Variants in PDE4B observed in about 807,000 individuals in gnomAD.
PDE4B encodes the protein 3',5'-cyclic-AMP phosphodiesterase 4B.
In PDE4B, 20 loss-of-function variants were observed where a neutral mutation model predicts 82.2. The observed-to-expected ratio is 0.24, with a 90% CI of 0.17 to 0.35. The LOEUF is 0.35. Among genes scored for constraint, PDE4B ranks in the 10% least tolerant of loss-of-function variants. The probability of loss-of-function intolerance (pLI) is 1.00; values close to 1 mark genes in which losing one functional copy is unlikely to be tolerated. For synonymous variants in PDE4B, 320 were observed against 318.9 expected, an observed-to-expected ratio of 1.00 and a Z score of -0.04; for missense variants, 655 against 907.2, an observed-to-expected ratio of 0.72 and a Z score of 3.57.
chr1:66,071,632 TGG>T, intron 3 of PDE4B, among the ~76,000 whole-genome samples: 1 of 152,104 alleles, frequency 6.6e-6, no homozygotes, highest in Admixed American at 6.6e-5. Flanking sequence ...TTTCCCCTCC[TGG>T]CTGTCACCTC....
chr1:65,868,486 A>G lies in PDE4B; in HGVS notation c.-70-44759A>G, dbSNP rs548873728. On this transcript the variant is annotated intron_variant, in intron 1 of 16. Coordinates refer to ENST00000341517, the MANE Select transcript of PDE4B (RefSeq NM_002600.4). ...TGAGTTGAGTTGACGTTTTATTTCC[A>G]CTGTTCCTCCTTCTTCCATATAGCT... Among the ~76,000 whole-genome samples the G allele has an allele frequency of 7.2e-5, 11 of 152,286 alleles. No homozygotes were observed. The South Asian group carries it at 2.3e-3, about 32-fold the overall frequency.
At chr1:66,195,019 A>G (rs1648170059) in intron 3 of PDE4B, among the ~76,000 whole-genome samples, 1 of 152,144 alleles carries the variant, frequency 6.6e-6, no homozygotes, top group African/African-American at 2.4e-5. Context: ...AAATTAAACC[A>G]AACTTTGGTT....
chr1:65,981,973 C>T (rs548164301), intron 3 of PDE4B, among the ~76,000 whole-genome samples: 133 of 152,152 alleles, frequency 8.7e-4, no homozygotes, highest in African/African-American at 3.1e-3. Flanking sequence ...ATTAAGCCAC[C>T]CAGACTGTGG....
intron 3 of PDE4B, among the ~76,000 whole-genome samples, chr1:66,147,855 GC>G (rs1468713039): frequency 6.6e-6 from 1 of 152,130 alleles, no homozygotes; most frequent in Non-Finnish European, 1.5e-5. Flanking sequence ...ATCACTTGAG[GC>G]ACTAATTATT....
In PDE4B at chr1:66,363,436, C is replaced by A; in HGVS notation, c.1149C>A (p.Ile383=). The A allele has an allele frequency of 6.2e-7, 1 of 1,612,836 alleles. No homozygotes were observed. The highest frequency in any genetic ancestry group is 8.5e-7 in the Non-Finnish European group (1 of 1,179,058). Residue 383 remains isoleucine (I), a synonymous_variant, in exon 12 of 17, where the codon ATC becomes ATA. Transcript: ENST00000341517. ...QERDLLKTFR[I]SSDTFITYMM... is the part of the protein sequence containing the mutation. ...GAGACCTCCTAAAGACATTCAGAAT[C>A]TCATCTGACACATTTATAACCTACA...
At chr1:66,024,606 C>T (rs1052598011) in intron 3 of PDE4B, among the ~76,000 whole-genome samples, 1 of 152,070 alleles carries the variant, frequency 6.6e-6, no homozygotes, top group Non-Finnish European at 1.5e-5. Flanking sequence ...ATAATATATG[C>T]AAGGAATTTT....
chr1:65,849,962 A>G (rs1373287224), intron 1 of PDE4B, among the ~76,000 whole-genome samples: 3 of 152,154 alleles, frequency 2.0e-5, no homozygotes, highest in Non-Finnish European at 4.4e-5. Context: ...GAGCACAGTC[A>G]CTGAGTCATA....
chr1:65,836,082 C>G (rs928330856), intron 1 of PDE4B, among the ~76,000 whole-genome samples: 3 of 152,134 alleles, frequency 2.0e-5, no homozygotes, highest in Non-Finnish European at 2.9e-5. Flanking sequence ...GCTGGGACTA[C>G]AGGCACACAC....
intron 7 of PDE4B, among the ~76,000 whole-genome samples, chr1:66,329,021 C>G (rs1659925445): frequency 6.6e-6 from 1 of 152,168 alleles, no homozygotes; most frequent in South Asian, 2.1e-4. Context: ...GGAGAAATAC[C>G]TAATTCGACT....
At chr1:66,017,497 G>T (rs1401488823) in intron 3 of PDE4B, among the ~76,000 whole-genome samples, 1 of 152,164 alleles carries the variant, frequency 6.6e-6, no homozygotes, top group Non-Finnish European at 1.5e-5. Context: ...TTCAGTGGTG[G>T]TGGTAGACAA....
chr1:66,363,421 A>G lies in PDE4B; in HGVS notation c.1134A>G (p.Leu378=). 5.0e-6 allele frequency: 8 copies of G among 1,612,776 alleles called. No individual in the cohort carries two copies. Among genetic ancestry groups the G allele is most frequent in the Non-Finnish European group, 6.8e-6 (8 of 1,179,016 alleles). ...TTACAACACAGGAAAGAGACCTCCT[A>G]AAGACATTCAGAATCTCATCTGACA... ...MYAIFQERDL[L]KTFRISSDTF... is the part of the protein sequence containing the mutation. The change falls in exon 12 of 17, where the codon CTA becomes CTG. Residue 378 remains leucine, a synonymous_variant. Coordinates refer to ENST00000341517, the MANE Select transcript of PDE4B (RefSeq NM_002600.4).
In PDE4B at chr1:66,022,707, G is replaced by T. The variant is rs182361738; in HGVS notation, c.281+103872G>T. Among the ~76,000 whole-genome samples, 452 of 152,304 alleles carry T rather than the reference G, an allele frequency of 3.0e-3. 3 individuals carry two copies. The highest frequency in any genetic ancestry group is 0.01 in the African/African-American group (423 of 41,552). ...TTTGATGTGCTGCTGGATTCGGTTT[G>T]CCAGTATTTTATTGAGGATTTTTGC... is the stretch of plus-strand genomic sequence containing the variant. On this transcript the variant is annotated intron_variant, in intron 3 of 16. Transcript: ENST00000341517.
intron 3 of PDE4B, among the ~76,000 whole-genome samples, chr1:66,073,682 A>G (rs1209071371): frequency 6.6e-6 from 1 of 152,120 alleles, no homozygotes; most frequent in Non-Finnish European, 1.5e-5. Context: ...ACCAGATAAC[A>G]TGCTTCTCTC....
At chr1:65,808,499 G>A (rs1645782342) in intron 1 of PDE4B, among the ~76,000 whole-genome samples, 1 of 152,210 alleles carries the variant, frequency 6.6e-6, no homozygotes. Context: ...AAGGCAGACA[G>A]TATAAGGCAT....
chr1:66,159,657 G>T (rs1220092907), intron 3 of PDE4B, among the ~76,000 whole-genome samples: 1 of 152,190 alleles, frequency 6.6e-6, no homozygotes, highest in African/African-American at 2.4e-5. Flanking sequence ...GAGTAATCTT[G>T]AGGGTTTTGC....
chr1:66,143,826 G>A (rs1984179), intron 3 of PDE4B, among the ~76,000 whole-genome samples: 85,615 of 152,014 alleles, frequency 0.56, 25,657 homozygotes, highest in Non-Finnish European at 0.68. Flanking sequence ...CTTTCTACTC[G>A]ATTTGTAGGA....
chr1:66,118,730 A>G (rs1645648516), intron 3 of PDE4B, among the ~76,000 whole-genome samples: 1 of 151,954 alleles, frequency 6.6e-6, no homozygotes, highest in African/African-American at 2.4e-5. Flanking sequence ...AAAAAACCAA[A>G]CCCTATTATT....
At chr1:66,050,141 T>G (rs1385536561) in intron 3 of PDE4B, among the ~76,000 whole-genome samples, 2 of 152,112 alleles carry the variant, frequency 1.3e-5, no homozygotes, top group African/African-American at 2.4e-5. Context: ...TACACTGTTG[T>G]CTAATATAAT....
intron 3 of PDE4B, among the ~76,000 whole-genome samples, chr1:66,053,866 A>AAATAAT (rs982380434): frequency 1.4e-4 from 22 of 152,066 alleles, no homozygotes; most frequent in African/African-American, 5.3e-4. Flanking sequence ...TCTCAATTAA[A>AAATAAT]AATAATAATA....
Sources: allele counts gnomAD v4.1 joint callset (sites outside exome capture counted in the v4.1 genomes callset), GRCh38; gene constraint gnomAD v4.1.1; transcripts MANE v1.5; gene names NCBI Gene and HGNC (gene_info 2026-07-23, HGNC 2026-07-21).